The following TTYH3 variants were observed in gnomAD, a reference collection of about 807,000 sequenced individuals.
TTYH3 encodes the protein protein tweety homolog 3.
In TTYH3, 23 loss-of-function variants were observed where a neutral mutation model predicts 68.2. That is an observed-to-expected ratio of 0.34 (90% CI 0.24 to 0.48). The LOEUF is 0.48. Ranked by LOEUF, TTYH3 falls within the 20% of genes least tolerant of loss-of-function variation. The pLI is 0.99. For synonymous variants in TTYH3, 360 were observed against 332.8 expected, an observed-to-expected ratio of 1.08 and a Z score of -0.89; for missense variants, 768 against 727.7, an observed-to-expected ratio of 1.06 and a Z score of -0.64.
chr7:2,647,604 C>A lies in TTYH3; in HGVS notation c.592C>A (p.Leu198Met). ...WRNTAVSLEVLAEQVDLYDWY... is the reference protein window; with the variant it reads ...WRNTAVSLEVMAEQVDLYDWY... ...GAACACGGCGGTGTCGCTGGAGGTG[C>A]TGGCGGAGCAGGTGGATCTCTACGA... The change falls in exon 4 of 14, where the codon CTG (leucine) becomes ATG (methionine). Residue 198 changes from leucine (L) to methionine (M), a missense_variant. Physicochemically the swap from Leu to Met is conservative, Grantham distance 15. Coordinates refer to ENST00000258796, the MANE Select transcript of TTYH3 (RefSeq NM_025250.3). The A allele has an allele frequency of 6.4e-7, 1 of 1,574,238 alleles. No homozygotes were observed. The highest frequency in any genetic ancestry group is 8.6e-7 in the Non-Finnish European group (1 of 1,160,846).
chr7:2,662,163 G>A lies in TTYH3; in HGVS notation c.*424G>A, dbSNP rs1166655447. The A allele has an allele frequency of 6.2e-6, 2 of 324,928 alleles. No individual in the cohort carries two copies. The highest frequency in any genetic ancestry group is 1.2e-5 in the Non-Finnish European group (2 of 170,666). 20.1% of individuals were successfully genotyped at this position (324,928 alleles called of 1,614,324 possible). A position where few individuals can be genotyped will look rare whatever the true frequency, so the allele number is the denominator to read the frequency against. On this transcript the variant is annotated 3_prime_UTR_variant, in exon 14 of 14. Coordinates refer to ENST00000258796, the MANE Select transcript of TTYH3 (RefSeq NM_025250.3). ...ACAGGCACGGCTGGGGCCGCTCTGT[G>A]CTGGCGCCTGCTGGCCACTGAGGGA...
intron 12 of TTYH3, 121 bp from the exon 13 acceptor site, chr7:2,658,819 A>AC: frequency 1.1e-6 from 1 of 945,836 alleles, no homozygotes; most frequent in South Asian, 1.5e-5. Flanking sequence ...GGTTCGTGGG[A>AC]CCCCCAGTGA....
intron 9 of TTYH3, among the ~76,000 whole-genome samples, chr7:2,653,339 C>T (rs1385359488): frequency 1.3e-5 from 2 of 152,124 alleles, no homozygotes; most frequent in East Asian, 1.9e-4. Flanking sequence ...CAGACGTGAA[C>T]CACCACACCC....
In TTYH3 at chr7:2,645,970, G is replaced by T; in HGVS notation, c.124-883G>T. 1 of 377,288 alleles carries T rather than the reference G, an allele frequency of 2.7e-6. No individual in the cohort carries two copies. 23.4% of individuals were successfully genotyped at this position (377,288 alleles called of 1,614,324 possible). ...GCTGGGGGTGAGGACAGTAGCTGAT[G>T]CCGGCAGCCCCCTCCCCAGGGCTTC... On this transcript the variant is annotated intron_variant, in intron 1 of 13. Transcript: ENST00000258796. This position sits in a 1 kb window ranked among gnomAD's most constrained non-coding sequence, Gnocchi z 4.8.
chr7:2,641,497 G>C (rs1246492618), intron 1 of TTYH3, among the ~76,000 whole-genome samples: 1 of 152,224 alleles, frequency 6.6e-6, no homozygotes, highest in Non-Finnish European at 1.5e-5. Context: ...TGGCACATGT[G>C]TGGCAGTTGA....
At chr7:2,648,157 G>T (rs1786054002) in intron 5 of TTYH3, 103 bp downstream of exon 5, 8 of 1,134,562 alleles carry the variant, frequency 7.1e-6, no homozygotes, top group Non-Finnish European at 1.0e-5. Flanking sequence ...CTAGCCACAA[G>T]CTCTGCGGTG....
rs922546172 is a variant in TTYH3, at chr7:2,648,274, T to G, written c.722+220T>G. ...ATCCCAGCACACTTGCCCCCAGCCC[T>G]TGATTTCCTGCAAGAGTCTGCACGT... On this transcript the variant is annotated intron_variant, in intron 5 of 13. Transcript: ENST00000258796. 9.9e-5 allele frequency: 54 copies of G among 544,496 alleles called. No individual in the cohort carries two copies. The South Asian group carries it at 1.1e-3, about 11-fold the overall frequency. The allele number at this position is 544,496 out of a possible 1,614,324, so 33.7% of individuals were successfully genotyped here.
intron 1 of TTYH3, among the ~76,000 whole-genome samples, chr7:2,641,444 C>T (rs1300338899): frequency 3.5e-5 from 5 of 141,670 alleles, no homozygotes; most frequent in Non-Finnish European, 1.5e-5. Flanking sequence ...AGGGTGGGGG[C>T]AGGGGGACTG....
In TTYH3 at chr7:2,647,399, G is replaced by A. The variant is rs777158501; in HGVS notation, c.406-19G>A. The A allele has an allele frequency of 2.5e-5, 37 of 1,472,808 alleles. No individual in the cohort carries two copies. In the South Asian group the frequency reaches 4.4e-4, roughly 18 times the overall value. The allele number at this position is 1,472,808 out of a possible 1,614,324, so 91.2% of individuals were successfully genotyped here. A position where few individuals can be genotyped will look rare whatever the true frequency, so the allele number is the denominator to read the frequency against. The stretch of plus-strand genomic sequence containing the variant: ...GAGGCGGGCGCGCTCCCAGCCTCAC[G>A]CCCGCGGGTCCGGCGCAGGTGTGGG... On this transcript the variant is annotated intron_variant, in intron 3 of 13. Transcript: ENST00000258796.
In TTYH3 at chr7:2,649,964, G is replaced by A. The variant is rs1410148077; in HGVS notation, c.847G>A (p.Glu283Lys). The A allele has an allele frequency of 2.5e-6, 4 of 1,614,060 alleles. No homozygotes were observed. In the East Asian group the frequency reaches 6.7e-5, roughly 27 times the overall value. The change falls in exon 7 of 14, where the codon GAG (glutamate) becomes AAG (lysine). Residue 283 changes from glutamate to lysine, a missense_variant. Glu to Lys is a moderately conservative substitution (Grantham distance 56). Transcript: ENST00000258796. ...TGACGCCTACGTGACCAAAATGGTG[G>A]AGGAGTACTCGGTGCTGAGTGGGGG... is the stretch of plus-strand genomic sequence containing the variant. The part of the protein sequence containing the change: ...DPDAYVTKMV[E>K]EYSVLSGDIL...
chr7:2,641,567 C>T (rs899504030), intron 1 of TTYH3, among the ~76,000 whole-genome samples: 1 of 152,246 alleles, frequency 6.6e-6, no homozygotes, highest in African/African-American at 2.4e-5. Context: ...TGACCGAGCC[C>T]TTACATCACT....
rs750927932 is a variant in TTYH3 at position 2,658,415 on chromosome 7, G to A, written c.1380G>A (p.Pro460=). 4.6e-5 allele frequency: 74 copies of A among 1,612,184 alleles called. No individual in the cohort carries two copies. The highest frequency in any genetic ancestry group is 5.9e-5 in the Non-Finnish European group (70 of 1,179,730). ...GCTACGGCAGTGAGACCAGCATCCCGGCCGCGGCCCACACCGTCAGCAACG... is the reference window on the plus strand; with the variant it reads ...GCTACGGCAGTGAGACCAGCATCCCAGCCGCGGCCCACACCGTCAGCAACG... The part of the protein sequence containing the change: ...GSSYGSETSI[P]AAAHTVSNAP... Residue 460 remains proline (P), a synonymous_variant, in exon 12 of 14, where the codon CCG becomes CCA. Coordinates refer to ENST00000258796, the MANE Select transcript of TTYH3 (RefSeq NM_025250.3).
intron 9 of TTYH3, among the ~76,000 whole-genome samples, chr7:2,655,336 G>A (rs1397140562): frequency 6.6e-6 from 1 of 152,152 alleles, no homozygotes; most frequent in Non-Finnish European, 1.5e-5. Flanking sequence ...AGTAGAGACA[G>A]GGTTTCACCA....
At chr7:2,651,827 T>C (rs754354044) in intron 7 of TTYH3, among the ~76,000 whole-genome samples, 6 of 152,172 alleles carry the variant, frequency 3.9e-5, no homozygotes, top group Non-Finnish European at 8.8e-5. Context: ...GGGCAGTGTG[T>C]GGGGACTCTG....
At chr7:2,661,428 T>C (rs1335735300) in intron 13 of TTYH3, among the ~76,000 whole-genome samples, 2 of 152,132 alleles carry the variant, frequency 1.3e-5, no homozygotes, top group Non-Finnish European at 2.9e-5. Flanking sequence ...TCCCCTGTCC[T>C]GAGCCTGGAG....
Position 2,633,913 on chromosome 7 carries a change from T to A in TTYH3, c.123+1635T>A, listed in dbSNP as rs553527445. On this transcript the variant is annotated intron_variant, in intron 1 of 13. Transcript: ENST00000258796. ...GGCAGTGAGAGGGAGTGAGGGGCGA[T>A]GATGTCTGCAGCCCACAAGAGCCTC... Among the ~76,000 whole-genome samples, 7 of 152,314 alleles carry A rather than the reference T, an allele frequency of 4.6e-5. No individual in the cohort carries two copies. In the South Asian group the frequency reaches 1.0e-3, roughly 23 times the overall value.
At chr7:2,647,321 C>G in intron 3 of TTYH3, 68 bp downstream of exon 3, 4 of 1,517,658 alleles carry the variant, frequency 2.6e-6, no homozygotes, top group Non-Finnish European at 3.5e-6. Flanking sequence ...TGCGCGAGGA[C>G]GGGCGGGGCA....
chr7:2,635,129 A>G (rs1203428026), intron 1 of TTYH3, among the ~76,000 whole-genome samples: 3 of 152,170 alleles, frequency 2.0e-5, no homozygotes, highest in African/African-American at 7.2e-5. Flanking sequence ...GGCCCACAGG[A>G]GGCCTGAGAC....
intron 11 of TTYH3, 118 bp from the exon 12 acceptor site, chr7:2,658,168 C>A: frequency 1.8e-6 from 2 of 1,114,484 alleles, no homozygotes; most frequent in Non-Finnish European, 2.5e-6. Flanking sequence ...AGTGTGCACA[C>A]GGCCGAGCCA....
Sources: gnomAD v4.1 joint callset for allele counts (sites outside exome capture counted in the v4.1 genomes callset) on GRCh38, gnomAD v4.1.1 for gene constraint, Gnocchi (gnomAD v3.1) non-coding constraint, MANE v1.5 for transcripts, NCBI Gene and HGNC (gene_info 2026-07-23, HGNC 2026-07-21) for gene names.